SVOPL: variants seen among roughly 807,000 people sequenced by gnomAD.
SVOPL encodes SVOP like.
SVOPL carries 60 observed loss-of-function variants against 61.0 expected under a neutral mutation model. The ratio of observed to expected loss-of-function variants is 0.98; its 90% CI spans 0.80 to 1.22. The LOEUF (loss-of-function observed/expected upper bound fraction) is 1.22, where lower values mean the gene tolerates loss of function less well. Ranked by LOEUF, SVOPL falls within the 50% of genes most tolerant of loss-of-function variation. The pLI is 0.00. For synonymous variants in SVOPL, 279 were observed against 250.0 expected (o/e 1.12, Z -1.09); for missense variants, 662 against 643.9 (o/e 1.03, Z -0.30).
intron 6 of SVOPL, among the ~76,000 whole-genome samples, chr7:138,657,260 A>T (rs1401689861): frequency 1.3e-5 from 2 of 151,828 alleles, no homozygotes; most frequent in Non-Finnish European, 2.9e-5. Flanking sequence ...GGCTCAAGAG[A>T]TCTTCTCACC....
chr7:138,637,881 G>A (rs191560030), intron 9 of SVOPL, among the ~76,000 whole-genome samples: 2 of 151,918 alleles, frequency 1.3e-5, no homozygotes, highest in African/African-American at 4.8e-5. Context: ...GAACCCAGGA[G>A]GCAGAGGTTG....
intron 1 of SVOPL, among the ~76,000 whole-genome samples, chr7:138,700,831 A>G (rs1217205225): frequency 6.6e-6 from 1 of 152,162 alleles, no homozygotes; most frequent in Non-Finnish European, 1.5e-5. Flanking sequence ...GTAATCCATG[A>G]CCTACCTTCA....
intron 14 of SVOPL, among the ~76,000 whole-genome samples, chr7:138,606,434 T>C (rs1024147864): frequency 1.3e-5 from 2 of 152,128 alleles, no homozygotes; most frequent in African/African-American, 4.8e-5. Context: ...ATCTGCGTAG[T>C]TACTTGTGTA....
chr7:138,696,033 T>C (rs1221202685), intron 1 of SVOPL, among the ~76,000 whole-genome samples: 1 of 152,082 alleles, frequency 6.6e-6, no homozygotes, highest in African/African-American at 2.4e-5. Context: ...CTGCCCACCT[T>C]GGCCTCCCAA....
chr7:138,686,328 C>T (rs1294453120), intron 1 of SVOPL, among the ~76,000 whole-genome samples: 11 of 140,386 alleles, frequency 7.8e-5, no homozygotes, highest in South Asian at 2.4e-4. Flanking sequence ...GCTTGAACCC[C>T]GGGGGGGGCG....
At chr7:138,656,567 T>C in intron 6 of SVOPL, 56 bp from the exon 7 acceptor site, 1 of 1,572,908 alleles carries the variant, frequency 6.4e-7, no homozygotes, top group Non-Finnish European at 8.7e-7. Flanking sequence ...AATCATCTTT[T>C]AAAAAATAAT....
intron 10 of SVOPL, among the ~76,000 whole-genome samples, chr7:138,629,833 G>T (rs898126918): frequency 6.6e-6 from 1 of 152,174 alleles, no homozygotes; most frequent in Non-Finnish European, 1.5e-5. Context: ...AGAACTGGTT[G>T]AAGACAATTA....
chr7:138,671,390 C>T (rs1368632722), intron 4 of SVOPL, among the ~76,000 whole-genome samples: 1 of 152,190 alleles, frequency 6.6e-6, no homozygotes, highest in Admixed American at 6.5e-5. Context: ...TCTTGTCACC[C>T]AGGCTGGAGC....
Position 138,594,366 on chromosome 7 carries a change from T to G in SVOPL, c.*244A>C. Reference sequence around the variant, plus strand: ...AGAAAAGCCATCTTCCCCCCCACCATCTCCCTCTCACACCCCTTTGAAAGC... The same window carrying G: ...AGAAAAGCCATCTTCCCCCCCACCAGCTCCCTCTCACACCCCTTTGAAAGC... On this transcript the variant is annotated 3_prime_UTR_variant, in exon 16 of 16. Coordinates refer to ENST00000674285, the MANE Select transcript of SVOPL (RefSeq NM_001139456.2). 3.8e-5 allele frequency: 11 copies of G among 293,162 alleles called. No homozygotes were observed. The highest frequency in any genetic ancestry group is 5.5e-5 in the East Asian group (1 of 18,320). 18.2% of individuals were successfully genotyped at this position (293,162 alleles called of 1,614,324 possible).
At chr7:138,667,525 C>G (rs1214200841) in intron 4 of SVOPL, among the ~76,000 whole-genome samples, 4 of 152,188 alleles carry the variant, frequency 2.6e-5, no homozygotes. Context: ...TTCCTTTACT[C>G]TCCCTTTTTT....
intron 3 of SVOPL, among the ~76,000 whole-genome samples, chr7:138,672,385 G>A (rs565703636): frequency 6.6e-6 from 1 of 152,290 alleles, no homozygotes; most frequent in East Asian, 1.9e-4. Flanking sequence ...GCTGACCAAT[G>A]CAGTTGCATG....
At chr7:138,698,756 A>G (rs903796373) in intron 1 of SVOPL, among the ~76,000 whole-genome samples, 5 of 152,202 alleles carry the variant, frequency 3.3e-5, no homozygotes, top group African/African-American at 4.8e-5. Flanking sequence ...CATTGCATCA[A>G]AAGTCCTCAT....
At chr7:138,600,282 C>A (rs1798459886) in intron 14 of SVOPL, among the ~76,000 whole-genome samples, 1 of 152,052 alleles carries the variant, frequency 6.6e-6, no homozygotes, top group Non-Finnish European at 1.5e-5. Context: ...TATCGTTCAC[C>A]AGATTGAAAA....
intron 14 of SVOPL, among the ~76,000 whole-genome samples, chr7:138,603,703 C>T (rs537436212): frequency 6.6e-6 from 1 of 152,240 alleles, no homozygotes. Flanking sequence ...TGAAATTTTA[C>T]TATCTTGCAC....
chr7:138,643,606 G>T (rs889458772), intron 9 of SVOPL, among the ~76,000 whole-genome samples: 1 of 151,960 alleles, frequency 6.6e-6, no homozygotes, highest in African/African-American at 2.4e-5. Context: ...TCTGACCTAT[G>T]CTACATGGAT....
intron 14 of SVOPL, among the ~76,000 whole-genome samples, chr7:138,614,667 A>G (rs912749616): frequency 1.3e-5 from 2 of 152,144 alleles, no homozygotes; most frequent in Non-Finnish European, 2.9e-5. Flanking sequence ...AAGTGTTAGG[A>G]TTACAGGTGT....
chr7:138,662,656 T>G, intron 5 of SVOPL: 39 of 1,003,072 alleles, frequency 3.9e-5, no homozygotes, highest in Non-Finnish European at 4.5e-5. Flanking sequence ...AGAACAGATG[T>G]GTGCCCCCAC....
intron 3 of SVOPL, among the ~76,000 whole-genome samples, chr7:138,676,934 C>T (rs1330487191): frequency 3.5e-5 from 4 of 113,074 alleles, no homozygotes; most frequent in Non-Finnish European, 7.0e-5. Flanking sequence ...GATGAAGTCT[C>T]GCTCTGTCAT....
chr7:138,638,035 A>G (rs1053030263), intron 9 of SVOPL, among the ~76,000 whole-genome samples: 6 of 152,144 alleles, frequency 3.9e-5, no homozygotes, highest in Admixed American at 1.3e-4. Context: ...GCATTTTCCA[A>G]GGTAAATGCA....
Sources: gnomAD v4.1 joint callset for allele counts (sites outside exome capture counted in the v4.1 genomes callset) on GRCh38, gnomAD v4.1.1 for gene constraint, MANE v1.5 for transcripts, NCBI Gene and HGNC (gene_info 2026-07-23, HGNC 2026-07-21) for gene names.